TMEM181: variants seen among roughly 807,000 people sequenced by gnomAD.
TMEM181 encodes G protein-coupled receptor 178.
Under a neutral mutation model 71.9 loss-of-function variants are expected in TMEM181, and 39 were observed. The observed-to-expected ratio is 0.54, with a 90% CI of 0.42 to 0.71. TMEM181 has a LOEUF of 0.71. Among genes scored for constraint, TMEM181 ranks in the 30% least tolerant of loss-of-function variants. TMEM181 has a pLI of 0.00. For missense variants in TMEM181, 595 were observed against 583.0 expected (o/e 1.02, Z -0.21); for synonymous variants, 245 against 228.8 (o/e 1.07, Z -0.64).
At chr6:158,623,028 T>A (rs1043643883) in intron 10 of TMEM181, among the ~76,000 whole-genome samples, 2 of 152,224 alleles carry the variant, frequency 1.3e-5, no homozygotes, top group Non-Finnish European at 2.9e-5. Flanking sequence ...TAGCTCCGTT[T>A]CCAGGTGTGA....
chr6:158,584,280 C>T (rs1033468121), intron 4 of TMEM181, among the ~76,000 whole-genome samples: 13 of 152,344 alleles, frequency 8.5e-5, no homozygotes, highest in Middle Eastern at 6.8e-3. Context: ...TCAGTGGCTG[C>T]ATGGTGTCGG....
chr6:158,569,912 CCTTT>C (rs1782711341), intron 1 of TMEM181, among the ~76,000 whole-genome samples: 1 of 152,072 alleles, frequency 6.6e-6, no homozygotes, highest in South Asian at 2.1e-4. Flanking sequence ...CCTCTCATGC[CCTTT>C]CTTAAGGCCT....
chr6:158,561,440 A>T (rs1221094547), intron 1 of TMEM181, among the ~76,000 whole-genome samples: 1 of 152,222 alleles, frequency 6.6e-6, no homozygotes, highest in Non-Finnish European at 1.5e-5. Context: ...TATGTAAATA[A>T]TACTGCTTGG....
At chr6:158,536,725 G>A (rs774487369) in exon 1 of TMEM181, 1 of 1,565,834 alleles carries the variant, frequency 6.4e-7, no homozygotes, top group Admixed American at 1.8e-5. Context: ...GACCCGGGAG[G>A]CTGCGCGGCA....
At chr6:158,606,117 G>A (rs1284280972) in intron 7 of TMEM181, among the ~76,000 whole-genome samples, 2 of 152,198 alleles carry the variant, frequency 1.3e-5, no homozygotes, top group Non-Finnish European at 2.9e-5. Context: ...TGCTCTGCTG[G>A]AGCGAAGGGC....
intron 1 of TMEM181, among the ~76,000 whole-genome samples, chr6:158,546,826 G>T (rs765183630): frequency 6.6e-6 from 1 of 152,112 alleles, no homozygotes; most frequent in Non-Finnish European, 1.5e-5. Context: ...AGGGCGTGGT[G>T]GTGGGCGCCT....
intron 15 of TMEM181, among the ~76,000 whole-genome samples, chr6:158,630,284 C>G (rs1786586849): frequency 6.6e-6 from 1 of 152,060 alleles, no homozygotes; most frequent in African/African-American, 2.4e-5. Context: ...TTGTTTGAGG[C>G]TGGGAGTTTG....
intron 1 of TMEM181, among the ~76,000 whole-genome samples, chr6:158,539,492 GTTT>G: frequency 6.6e-6 from 1 of 152,186 alleles, no homozygotes; most frequent in Non-Finnish European, 1.5e-5. Flanking sequence ...CTTATTGGTG[GTTT>G]ATGAGTAAAA....
chr6:158,589,485 A>G (rs1359014222), intron 5 of TMEM181, among the ~76,000 whole-genome samples, 187 bp from the exon 6 acceptor site: 2 of 152,176 alleles, frequency 1.3e-5, no homozygotes, highest in African/African-American at 4.8e-5. Flanking sequence ...TTCCAAAAAT[A>G]CCCATTTGGT....
intron 1 of TMEM181, among the ~76,000 whole-genome samples, chr6:158,551,186 T>C (rs1165920677): frequency 6.6e-6 from 1 of 152,086 alleles, no homozygotes; most frequent in Admixed American, 6.5e-5. Flanking sequence ...GGTCTCAATC[T>C]CCTGACCTCG....
chr6:158,557,837 A>G (rs1364025714), upstream of TMEM181, among the ~76,000 whole-genome samples: 2 of 152,212 alleles, frequency 1.3e-5, no homozygotes, highest in East Asian at 3.8e-4. Flanking sequence ...GTAATTATTT[A>G]GGTTATTGTT....
rs1261524465 is a variant in TMEM181 at position 158,634,253 on chromosome 6, C to T, written c.*2365C>T. ...GTATATCATAAATACCGACATATTA[C>T]ATACCCCATGTAAAATTTTGCTTAA... is the stretch of plus-strand genomic sequence containing the variant. On this transcript the variant is annotated 3_prime_UTR_variant, in exon 17 of 17. Coordinates refer to ENST00000684151, the MANE Select transcript of TMEM181 (RefSeq NM_001376852.1). 6.6e-6 allele frequency: 1 copy of T among 152,240 alleles called. No individual in the cohort carries two copies. Among genetic ancestry groups the T allele is most frequent in the Non-Finnish European group, 1.5e-5 (1 of 68,042 alleles). 9.4% of individuals were successfully genotyped at this position (152,240 alleles called of 1,614,324 possible).
chr6:158,626,946 C>CCTCACA (rs1786330973), intron 13 of TMEM181, among the ~76,000 whole-genome samples: 1 of 141,266 alleles, frequency 7.1e-6, no homozygotes, highest in Non-Finnish European at 1.5e-5. Flanking sequence ...TCACCCTCAC[C>CCTCACA]CTCACCCTCA....
At chr6:158,584,215 G>T (rs1783635240) in intron 4 of TMEM181, among the ~76,000 whole-genome samples, 171 bp downstream of exon 4, 1 of 152,240 alleles carries the variant, frequency 6.6e-6, no homozygotes, top group Non-Finnish European at 1.5e-5. Context: ...GTCTTCCAGT[G>T]GGAGAGAAAG....
At chr6:158,573,595 C>G in intron 2 of TMEM181, 72 bp downstream of exon 2, 2 of 1,286,996 alleles carry the variant, frequency 1.6e-6, no homozygotes. Flanking sequence ...TTCGGTCAGC[C>G]CAGCTGTGCC....
At chr6:158,575,033 A>G (rs899763447) in intron 2 of TMEM181, among the ~76,000 whole-genome samples, 14 of 152,044 alleles carry the variant, frequency 9.2e-5, no homozygotes, top group South Asian at 2.1e-4. Flanking sequence ...GTTTTATTCA[A>G]TGGATTGGAT....
intron 1 of TMEM181, among the ~76,000 whole-genome samples, chr6:158,552,731 A>G (rs1472288318): frequency 6.6e-6 from 1 of 152,230 alleles, no homozygotes; most frequent in Non-Finnish European, 1.5e-5. Context: ...CCTGCCAGTC[A>G]TGGGCTGTGA....
At chr6:158,616,076 G>A (rs1480286593) in intron 10 of TMEM181, among the ~76,000 whole-genome samples, 2 of 152,194 alleles carry the variant, frequency 1.3e-5, no homozygotes, top group Non-Finnish European at 2.9e-5. Context: ...ACCTTGGGCA[G>A]TATGGCCATT....
In TMEM181 at chr6:158,592,118, A is replaced by G. The variant is rs866986820; in HGVS notation, c.492+2336A>G. 7.9e-5 allele frequency among the ~76,000 whole-genome samples: 12 copies of G among 152,310 alleles called. No homozygotes were observed. The South Asian group carries it at 2.5e-3, about 32-fold the overall frequency. ...ACCCTTGGGATTTGTAAGGGATGTCACCAAAGATTTTTCTGCGTTTTTTGT... is the reference window on the plus strand; with the variant it reads ...ACCCTTGGGATTTGTAAGGGATGTCGCCAAAGATTTTTCTGCGTTTTTTGT... On this transcript the variant is annotated intron_variant, in intron 6 of 16. Transcript: ENST00000684151.
Sources: allele counts gnomAD v4.1 joint callset (sites outside exome capture counted in the v4.1 genomes callset), GRCh38; gene constraint gnomAD v4.1.1; transcripts MANE v1.5; gene names NCBI Gene and HGNC (gene_info 2026-07-23, HGNC 2026-07-21).